Variants in MAGI2 observed in about 807,000 individuals in gnomAD.
MAGI2 encodes membrane-associated guanylate kinase, WW and PDZ domain-containing protein 2.
Under a neutral mutation model 133.3 loss-of-function variants are expected in MAGI2, and 35 were observed. The observed-to-expected ratio is 0.26, with a 90% CI of 0.20 to 0.35. The LOEUF (loss-of-function observed/expected upper bound fraction) is 0.35, where lower values mean the gene tolerates loss of function less well. Among genes scored for constraint, MAGI2 ranks in the 10% least tolerant of loss-of-function variants. MAGI2 has a pLI of 1.00. For synonymous variants in MAGI2, 729 were observed against 710.6 expected, an observed-to-expected ratio of 1.03 and a Z score of -0.41; for missense variants, 1,636 against 1,863.4, an observed-to-expected ratio of 0.88 and a Z score of 2.25.
chr7:78,817,335 A>G (rs1789676443), intron 2 of MAGI2, among the ~76,000 whole-genome samples: 1 of 152,240 alleles, frequency 6.6e-6, no homozygotes, highest in African/African-American at 2.4e-5. Flanking sequence ...TATTACATCA[A>G]CTTAATCGAC....
intron 4 of MAGI2, among the ~76,000 whole-genome samples, chr7:78,514,342 A>T (rs1160442903): frequency 6.6e-6 from 1 of 151,944 alleles, no homozygotes; most frequent in Non-Finnish European, 1.5e-5. Flanking sequence ...TGATATCATT[A>T]CTTTTTAATT....
chr7:79,183,431 T>C (rs2129550479), intron 1 of MAGI2, among the ~76,000 whole-genome samples: 1 of 152,026 alleles, frequency 6.6e-6, no homozygotes, highest in South Asian at 2.1e-4. Context: ...TCTGCAAATA[T>C]ATTGCCCACC....
intron 1 of MAGI2, among the ~76,000 whole-genome samples, chr7:79,434,497 C>T (rs924580016): frequency 2.0e-5 from 3 of 152,092 alleles, no homozygotes; most frequent in Non-Finnish European, 4.4e-5. Context: ...AGTAGGGCAT[C>T]GTTATGCCTG....
chr7:78,058,873 CTA>C (rs1388869424), intron 21 of MAGI2, among the ~76,000 whole-genome samples: 5 of 152,118 alleles, frequency 3.3e-5, no homozygotes, highest in African/African-American at 1.2e-4. Context: ...TAGAATTTTC[CTA>C]TGTCTTTTTC....
intron 1 of MAGI2, among the ~76,000 whole-genome samples, chr7:79,047,476 A>G (rs991069433): frequency 2.0e-5 from 3 of 152,148 alleles, no homozygotes; most frequent in Non-Finnish European, 4.4e-5. Flanking sequence ...TATAAATGCT[A>G]TAAGCCATGG....
chr7:78,782,470 A>T (rs1456969768), intron 2 of MAGI2, among the ~76,000 whole-genome samples: 1 of 152,164 alleles, frequency 6.6e-6, no homozygotes, highest in Non-Finnish European at 1.5e-5. Flanking sequence ...TCCTTGACAG[A>T]AACTGAGTTG....
chr7:79,277,726 C>A (rs1296508518), intron 1 of MAGI2, among the ~76,000 whole-genome samples: 1 of 152,160 alleles, frequency 6.6e-6, no homozygotes, highest in Non-Finnish European at 1.5e-5. Flanking sequence ...AGGCCCTTGA[C>A]TTCCCTTTTC....
intron 1 of MAGI2, among the ~76,000 whole-genome samples, chr7:79,064,732 A>G (rs1188964770): frequency 2.0e-5 from 3 of 152,104 alleles, no homozygotes; most frequent in Admixed American, 6.6e-5. Flanking sequence ...CCTCTGACAC[A>G]TGAATTTTAG....
At chr7:78,049,382 G>A (rs973327402) in intron 21 of MAGI2, among the ~76,000 whole-genome samples, 10 of 152,340 alleles carry the variant, frequency 6.6e-5, no homozygotes, top group South Asian at 2.1e-4. Flanking sequence ...AGCAGTTAGG[G>A]CTAAGGCCCA....
intron 9 of MAGI2, among the ~76,000 whole-genome samples, chr7:78,258,504 C>T (rs998830665): frequency 1.3e-5 from 2 of 152,164 alleles, no homozygotes; most frequent in African/African-American, 4.8e-5. Flanking sequence ...TCTCCCCCAA[C>T]TTGCACTCCT....
At chr7:78,510,480 G>A (rs1391191129) in intron 4 of MAGI2, among the ~76,000 whole-genome samples, 1 of 152,122 alleles carries the variant, frequency 6.6e-6, no homozygotes, top group African/African-American at 2.4e-5. Context: ...AGTTAAATTG[G>A]TCAAGCAATT....
At chr7:78,930,524 C>T (rs192456689) in intron 2 of MAGI2, among the ~76,000 whole-genome samples, 1 of 152,080 alleles carries the variant, frequency 6.6e-6, no homozygotes, top group African/African-American at 2.4e-5. Context: ...TCTTGCCTCT[C>T]TTTTCAAATC....
chr7:78,028,848 C>CAAAAAAAA (rs56201811), intron 21 of MAGI2, among the ~76,000 whole-genome samples: 7 of 84,422 alleles, frequency 8.3e-5, no homozygotes, highest in East Asian at 2.9e-4. Flanking sequence ...GACTCCATCT[C>CAAAAAAAA]AAAAAAAAAA....
chr7:78,977,989 A>T (rs1247271075), intron 2 of MAGI2, among the ~76,000 whole-genome samples: 1 of 151,788 alleles, frequency 6.6e-6, no homozygotes, highest in African/African-American at 2.4e-5. Flanking sequence ...CTATGCAACT[A>T]TTAGAATGGC....
At chr7:78,158,607 G>T (rs1437498087) in intron 16 of MAGI2, among the ~76,000 whole-genome samples, 2 of 152,132 alleles carry the variant, frequency 1.3e-5, no homozygotes, top group Admixed American at 6.6e-5. Flanking sequence ...ACTCCATCTT[G>T]CTTCTAATCT....
At chr7:78,249,215 A>G (rs1017744986) in intron 10 of MAGI2, among the ~76,000 whole-genome samples, 3 of 152,134 alleles carry the variant, frequency 2.0e-5, no homozygotes, top group Non-Finnish European at 4.4e-5. Context: ...AAAGATAACA[A>G]GTGTCGGCGA....
At chr7:78,871,701 G>C (rs966964679) in intron 2 of MAGI2, among the ~76,000 whole-genome samples, 1 of 152,002 alleles carries the variant, frequency 6.6e-6, no homozygotes, top group African/African-American at 2.4e-5. Flanking sequence ...ACTTACGTAA[G>C]AGAGAATAAA....
chr7:79,397,306 A>G (rs1215185926), intron 1 of MAGI2, among the ~76,000 whole-genome samples: 1 of 151,758 alleles, frequency 6.6e-6, no homozygotes, highest in African/African-American at 2.4e-5. Context: ...TTTAATTATA[A>G]TAGCAACACT....
At chr7:79,115,854 G>GTTTTTTTTTTTTTTTTTT (rs59398227) in intron 1 of MAGI2, among the ~76,000 whole-genome samples, 5 of 93,944 alleles carry the variant, frequency 5.3e-5, no homozygotes, top group African/African-American at 2.2e-4. Context: ...ATGTTTTAAA[G>GTTTTTTTTTTTTTTTTTT]TTTTTTTTTT....
Sources: allele counts gnomAD v4.1 joint callset (sites outside exome capture counted in the v4.1 genomes callset), GRCh38; gene constraint gnomAD v4.1.1; transcripts MANE v1.5; gene names NCBI Gene and HGNC (gene_info 2026-07-23, HGNC 2026-07-21).